LCMT1: variants seen among roughly 807,000 people sequenced by gnomAD.
LCMT1 encodes the protein [Phosphatase 2A protein]-leucine-carboxy methyltransferase 1.
LCMT1 carries 32 observed loss-of-function variants against 47.7 expected under a neutral mutation model. That is an observed-to-expected ratio of 0.67 (90% confidence interval 0.51 to 0.90). LCMT1 has a LOEUF of 0.90. Among genes scored for constraint, LCMT1 ranks in the 40% least tolerant of loss-of-function variants. The pLI, the probability that LCMT1 is intolerant of heterozygous loss-of-function variation, is 0.00. For synonymous variants in LCMT1, 152 were observed against 149.7 expected, an observed-to-expected ratio of 1.02 and a Z score of -0.11; for missense variants, 375 against 415.2, an observed-to-expected ratio of 0.90 and a Z score of 0.84.
intron 5 of LCMT1, among the ~76,000 whole-genome samples, chr16:25,154,509 G>A (rs1352244372): frequency 2.7e-5 from 1 of 37,564 alleles, no homozygotes; most frequent in Non-Finnish European, 5.2e-5. Flanking sequence ...TTTTTTTTTT[G>A]AGAGTCTTGC....
chr16:25,159,659 T>TATG (rs2141695385), intron 5 of LCMT1, among the ~76,000 whole-genome samples: 1 of 152,290 alleles, frequency 6.6e-6, no homozygotes, highest in South Asian at 2.1e-4. Context: ...TCCTGACATC[T>TATG]AGCAGGCTCT....
intron 1 of LCMT1, among the ~76,000 whole-genome samples, chr16:25,118,858 G>T (rs1210843311): frequency 6.6e-6 from 1 of 152,026 alleles, no homozygotes; most frequent in Non-Finnish European, 1.5e-5. Flanking sequence ...TGCAGGAGGC[G>T]GGGGCAGATG....
chr16:25,122,458 A>G (rs1412842019), intron 1 of LCMT1, among the ~76,000 whole-genome samples: 1 of 151,946 alleles, frequency 6.6e-6, no homozygotes, highest in East Asian at 1.9e-4. Context: ...ACAGGCGTGC[A>G]CTACCATGCC....
chr16:25,119,363 G>T (rs1018703589), intron 1 of LCMT1, among the ~76,000 whole-genome samples: 1 of 151,832 alleles, frequency 6.6e-6, no homozygotes, highest in Admixed American at 6.6e-5. Context: ...AGTGCCTAGT[G>T]TTCATCTCTG....
At chr16:25,125,224 G>A (rs911674798) in intron 1 of LCMT1, among the ~76,000 whole-genome samples, 10 of 152,220 alleles carry the variant, frequency 6.6e-5, no homozygotes, top group Non-Finnish European at 1.2e-4. Context: ...GGTGTCTGCT[G>A]TGGGCAGCCT....
At chr16:25,170,466 G>A (rs1159403328) in intron 8 of LCMT1, among the ~76,000 whole-genome samples, 2 of 152,066 alleles carry the variant, frequency 1.3e-5, no homozygotes, top group Non-Finnish European at 2.9e-5. Context: ...GGTCTGGTGT[G>A]CTTAAGAGCA....
chr16:25,113,140 C>CAA (rs59940814), intron 1 of LCMT1, among the ~76,000 whole-genome samples: 15,174 of 108,018 alleles, frequency 0.14, 1,629 homozygotes, highest in Middle Eastern at 0.17. Flanking sequence ...GACTATGTCT[C>CAA]AAAAAAAAAA....
intron 6 of LCMT1, 151 bp downstream of exon 6, chr16:25,161,355 A>G: frequency 1.9e-6 from 1 of 525,238 alleles, no homozygotes; most frequent in East Asian, 3.1e-5. Context: ...TTCTGAAAAA[A>G]ATTCTTTTTT....
intron 9 of LCMT1, among the ~76,000 whole-genome samples, chr16:25,174,103 G>T (rs1961856533): frequency 6.6e-6 from 1 of 151,188 alleles, no homozygotes; most frequent in Non-Finnish European, 1.5e-5. Flanking sequence ...ATAGAGATGG[G>T]GTTTCACCAT....
chr16:25,120,829 C>T (rs1220916345), intron 1 of LCMT1, among the ~76,000 whole-genome samples: 3 of 146,602 alleles, frequency 2.0e-5, no homozygotes, highest in Admixed American at 6.9e-5. Context: ...CTTACTGCAG[C>T]GTTTACCTCC....
intron 1 of LCMT1, among the ~76,000 whole-genome samples, chr16:25,112,245 AGACAGAC>A (rs1266563743): frequency 6.6e-6 from 1 of 152,246 alleles, no homozygotes; most frequent in Non-Finnish European, 1.5e-5. Context: ...CCCCTGAGCC[AGACAGAC>A]GAGGCCTTGG....
Position 25,114,057 on chromosome 16 carries a change from A to G in LCMT1, c.113+2061A>G, listed in dbSNP as rs1439614209. Among the ~76,000 whole-genome samples the G allele has an allele frequency of 8.5e-5, 13 of 152,216 alleles. No individual in the cohort carries two copies. In the East Asian group the frequency reaches 2.5e-3, roughly 29 times the overall value. On this transcript the variant is annotated intron_variant, in intron 1 of 10. Coordinates refer to ENST00000399069, the MANE Select transcript of LCMT1 (RefSeq NM_016309.3). ...AAGCCCTCAGTAAATTATTATTGCT[A>G]GTTTTGACTTCCCTCCAGGCTGAAT...
chr16:25,142,284 T>C (rs1960717810), intron 4 of LCMT1: 1 of 152,226 alleles, frequency 6.6e-6, no homozygotes. Flanking sequence ...GGTTTTTCTT[T>C]ACTGCTAAGA....
At chr16:25,135,281 T>TAAAAAAAAAAAA (rs1316661688) in intron 3 of LCMT1, among the ~76,000 whole-genome samples, 6 of 131,518 alleles carry the variant, frequency 4.6e-5, no homozygotes, top group African/African-American at 1.7e-4. Flanking sequence ...AAGTTTCTTT[T>TAAAAAAAAAAAA]AAAATATATA....
intron 4 of LCMT1, chr16:25,140,980 C>T (rs1162262191): frequency 6.6e-6 from 1 of 152,184 alleles, no homozygotes; most frequent in African/African-American, 2.4e-5. Context: ...CTGAAGATCT[C>T]ATCTTCTGAA....
chr16:25,137,575 G>T (rs1960540291), intron 3 of LCMT1, among the ~76,000 whole-genome samples: 1 of 151,938 alleles, frequency 6.6e-6, no homozygotes. Flanking sequence ...CTTCCAAGTA[G>T]CTGGGGACTA....
chr16:25,133,980 C>T (rs1334063302), intron 3 of LCMT1, among the ~76,000 whole-genome samples: 2 of 148,538 alleles, frequency 1.3e-5, no homozygotes, highest in African/African-American at 2.5e-5. Context: ...TGCAGTGAGT[C>T]GAGATCATGC....
Position 25,166,143 on chromosome 16 carries a change from G to A in LCMT1, c.690+1425G>A, listed in dbSNP as rs144975725. 5.2e-3 allele frequency among the ~76,000 whole-genome samples: 784 copies of A among 151,780 alleles called. 9 individuals carry two copies. Among genetic ancestry groups the A allele is most frequent in the African/African-American group, 0.018 (743 of 41,410 alleles). ...AAATTAGCCAGGCATGGTGGCGGACGCCTATAATCCCAGCTACTTGGGAGG... is the reference window on the plus strand; with the variant it reads ...AAATTAGCCAGGCATGGTGGCGGACACCTATAATCCCAGCTACTTGGGAGG... On this transcript the variant is annotated intron_variant, in intron 7 of 10. Coordinates refer to ENST00000399069, the MANE Select transcript of LCMT1 (RefSeq NM_016309.3).
intron 3 of LCMT1, among the ~76,000 whole-genome samples, chr16:25,139,634 T>A (rs1960618947): frequency 6.6e-6 from 1 of 152,248 alleles, no homozygotes; most frequent in South Asian, 2.1e-4. Context: ...ACCTACTACA[T>A]TGATTTCCTG....
Sources: allele counts gnomAD v4.1 joint callset (sites outside exome capture counted in the v4.1 genomes callset), GRCh38; gene constraint gnomAD v4.1.1; transcripts MANE v1.5; gene names NCBI Gene and HGNC (gene_info 2026-07-23, HGNC 2026-07-21).